RORB: variants seen among roughly 807,000 people sequenced by gnomAD.
RORB encodes RAR related orphan receptor B.
RORB carries 6 observed loss-of-function variants against 59.1 expected under a neutral mutation model. The observed-to-expected ratio is 0.10, with a 90% CI of 0.06 to 0.20. RORB has a LOEUF of 0.20. RORB is among the 10% of genes least tolerant of loss of function. The pLI is 1.00. For synonymous variants in RORB, 215 were observed against 204.5 expected (o/e 1.05, Z -0.44); for missense variants, 320 against 560.5 (o/e 0.57, Z 4.33).
In RORB at chr9:74,503,891, A is replaced by G. The variant is rs545954858; in HGVS notation, c.7+5908A>G. Reference sequence around the variant, plus strand: ...TGCTGCCCTTTCAACCCCTGACCCCATCCATTCAATTCTTAATGAGGGAAA... The same window carrying G: ...TGCTGCCCTTTCAACCCCTGACCCCGTCCATTCAATTCTTAATGAGGGAAA... On this transcript the variant is annotated intron_variant, in intron 1 of 9. Transcript: ENST00000376896. 2.6e-5 allele frequency among the ~76,000 whole-genome samples: 4 copies of G among 152,084 alleles called. No homozygotes were observed. In the South Asian group the frequency reaches 8.3e-4, roughly 32 times the overall value.
chr9:74,647,835 C>G (rs894987057), intron 4 of RORB, among the ~76,000 whole-genome samples: 2 of 152,152 alleles, frequency 1.3e-5, no homozygotes, highest in African/African-American at 4.8e-5. Flanking sequence ...TTGCAGAATT[C>G]TATTAAAAGT....
At chr9:74,626,854 A>G (rs530645035) in intron 1 of RORB, among the ~76,000 whole-genome samples, 1 of 152,352 alleles carries the variant, frequency 6.6e-6, no homozygotes, top group South Asian at 2.1e-4. Flanking sequence ...GCTGTCTGGA[A>G]GATGTGCTTT....
At chr9:74,641,189 C>A (rs1164872397) in intron 3 of RORB, among the ~76,000 whole-genome samples, 1 of 151,804 alleles carries the variant, frequency 6.6e-6, no homozygotes, top group African/African-American at 2.4e-5. Context: ...ATAATTCAAA[C>A]AAGGTAGGCC....
intron 4 of RORB, among the ~76,000 whole-genome samples, chr9:74,649,584 A>G (rs1823959161): frequency 6.6e-6 from 1 of 152,154 alleles, no homozygotes; most frequent in Non-Finnish European, 1.5e-5. Flanking sequence ...CTTTCTAGGT[A>G]TCCTCTAATA....
At chr9:74,642,373 A>T in intron 3 of RORB, 41 bp from the exon 4 acceptor site, 2 of 1,557,666 alleles carry the variant, frequency 1.3e-6, no homozygotes, top group South Asian at 1.2e-5. Context: ...AACGCGAATG[A>T]TAACCACAAG....
At chr9:74,643,981 A>G (rs1229305482) in intron 4 of RORB, among the ~76,000 whole-genome samples, 1 of 152,262 alleles carries the variant, frequency 6.6e-6, no homozygotes, top group Non-Finnish European at 1.5e-5. Context: ...CGTGTAAACC[A>G]TAGCAAGGTT....
In RORB at chr9:74,686,178, A is replaced by G. The variant is rs188311247; in HGVS notation, c.*560A>G. ...GGCTTAAATACCATACCTACTAGCA[A>G]TGGAGGTTCAGTCAGGCTCTCTTCT... On this transcript the variant is annotated 3_prime_UTR_variant, in exon 10 of 10. Transcript: ENST00000376896. The G allele has an allele frequency of 1.3e-5, 2 of 152,768 alleles. No individual in the cohort carries two copies. The highest frequency in any genetic ancestry group is 2.4e-5 in the African/African-American group (1 of 41,582). 9.5% of individuals were successfully genotyped at this position (152,768 alleles called of 1,614,324 possible).
chr9:74,581,161 A>G (rs1407473648), intron 1 of RORB, among the ~76,000 whole-genome samples: 1 of 152,182 alleles, frequency 6.6e-6, no homozygotes, highest in Non-Finnish European at 1.5e-5. Flanking sequence ...AAAATTCACC[A>G]GGCCCTTAAG....
chr9:74,591,277 G>C (rs1822887843), intron 1 of RORB, among the ~76,000 whole-genome samples: 2 of 152,166 alleles, frequency 1.3e-5, no homozygotes, highest in South Asian at 4.1e-4. Context: ...TTTTAAAAAT[G>C]GCCCCAATCT....
At chr9:74,633,877 T>C (rs1823658331) in intron 2 of RORB, among the ~76,000 whole-genome samples, 1 of 152,076 alleles carries the variant, frequency 6.6e-6, no homozygotes, top group African/African-American at 2.4e-5. Context: ...TATAATATTT[T>C]CTTTTTTCAA....
At chr9:74,611,803 C>A (rs1335930655) in intron 1 of RORB, among the ~76,000 whole-genome samples, 1 of 152,274 alleles carries the variant, frequency 6.6e-6, no homozygotes, top group Non-Finnish European at 1.5e-5. Flanking sequence ...ACCCACCACC[C>A]TGCCTGGCTA....
chr9:74,664,707 G>A (rs1252021902), intron 6 of RORB, among the ~76,000 whole-genome samples: 1 of 152,150 alleles, frequency 6.6e-6, no homozygotes, highest in Non-Finnish European at 1.5e-5. Flanking sequence ...GTACAGCAAA[G>A]GAAATAAAAC....
chr9:74,523,122 A>T (rs992527194), intron 1 of RORB, among the ~76,000 whole-genome samples: 1 of 151,736 alleles, frequency 6.6e-6, no homozygotes, highest in African/African-American at 2.4e-5. Flanking sequence ...AATTTGCTAT[A>T]GTCTTATGTT....
intron 1 of RORB, among the ~76,000 whole-genome samples, chr9:74,561,786 C>T (rs1435450561): frequency 6.6e-6 from 1 of 152,158 alleles, no homozygotes. Flanking sequence ...AGTTTTTGCT[C>T]TAATGTCATT....
intron 1 of RORB, among the ~76,000 whole-genome samples, chr9:74,526,800 G>GA (rs1368795959): frequency 6.6e-6 from 1 of 151,342 alleles, no homozygotes; most frequent in Non-Finnish European, 1.5e-5. Flanking sequence ...CTGATCAGAA[G>GA]AAAAAAAGGG....
intron 1 of RORB, among the ~76,000 whole-genome samples, chr9:74,585,756 A>T (rs1305546458): frequency 1.5e-5 from 2 of 132,728 alleles, no homozygotes; most frequent in Non-Finnish European, 3.4e-5. Flanking sequence ...ATTTTTTAAA[A>T]ATCTACACAG....
At chr9:74,637,117 T>A (rs1274609791) in intron 3 of RORB, among the ~76,000 whole-genome samples, 3 of 152,180 alleles carry the variant, frequency 2.0e-5, no homozygotes, top group Admixed American at 2.0e-4. Context: ...ATTCTTAAAG[T>A]GCTCTAGAAA....
intron 9 of RORB, among the ~76,000 whole-genome samples, chr9:74,682,795 T>C (rs1824568736): frequency 6.6e-6 from 1 of 152,216 alleles, no homozygotes. Context: ...TCTTGCTATG[T>C]TGGCCAGGCT....
intron 4 of RORB, 81 bp downstream of exon 4, chr9:74,642,896 T>G (rs1009217491): frequency 1.5e-5 from 16 of 1,052,112 alleles, no homozygotes; most frequent in Non-Finnish European, 2.1e-5. Context: ...ATGGTAATTT[T>G]CTTAAGACTT....
Sources: allele counts gnomAD v4.1 joint callset (sites outside exome capture counted in the v4.1 genomes callset), GRCh38; gene constraint gnomAD v4.1.1; transcripts MANE v1.5; gene names NCBI Gene and HGNC (gene_info 2026-07-23, HGNC 2026-07-21).